CEP85L: variants seen among roughly 807,000 people sequenced by gnomAD.
CEP85L encodes centrosomal protein of 85 kDa-like.
Under a neutral mutation model 100.3 loss-of-function variants are expected in CEP85L, and 60 were observed. The observed-to-expected ratio is 0.60, with a 90% CI of 0.49 to 0.74. The LOEUF (loss-of-function observed/expected upper bound fraction) is 0.74, where lower values mean the gene tolerates loss of function less well. Among genes scored for constraint, CEP85L ranks in the 30% least tolerant of loss-of-function variants. The probability of loss-of-function intolerance (pLI) is 0.00; values close to 1 mark genes in which losing one functional copy is unlikely to be tolerated. For missense variants in CEP85L, 973 were observed against 936.2 expected, an observed-to-expected ratio of 1.04 and a Z score of -0.51; for synonymous variants, 319 against 322.7, an observed-to-expected ratio of 0.99 and a Z score of 0.12.
chr6:118,483,908 TATAAC>T lies in CEP85L; in HGVS notation c.1438-55_1438-51del, dbSNP rs1172578916. The stretch of plus-strand genomic sequence containing the variant: ...TCAGTAGTTTTCAGTCATTAAAAGA[TATAAC>T]AAAACCAACACTTTAATATTAGACA... On this transcript the variant is annotated intron_variant, in intron 6 of 12. Coordinates refer to ENST00000368491, the MANE Select transcript of CEP85L (RefSeq NM_001042475.3). 1.9e-6 allele frequency: 3 copies of T among 1,555,820 alleles called. No individual in the cohort carries two copies. In the African/African-American group the frequency reaches 4.1e-5, roughly 21 times the overall value.
chr6:118,538,002 A>T (rs1446680837), intron 3 of CEP85L: 1 of 729,792 alleles, frequency 1.4e-6, no homozygotes, highest in African/African-American at 1.9e-5. Flanking sequence ...TAATACAAAT[A>T]ACATAAAATT....
chr6:118,481,573 A>G (rs1773786161), intron 8 of CEP85L, among the ~76,000 whole-genome samples: 1 of 152,150 alleles, frequency 6.6e-6, no homozygotes, highest in South Asian at 2.1e-4. Context: ...CTCAGTGGGT[A>G]AATACTTGGC....
Position 118,651,056 on chromosome 6 carries a change from A to G in CEP85L, c.73+141T>C, listed in dbSNP as rs574572705. On this transcript the variant is annotated intron_variant, in intron 1 of 12. Transcript: ENST00000368491. ...GTCAGCCCGGGTGCTGACAGCGGGG[A>G]GGACACTGGGCACGCGGCGGCGTCG... The G allele has an allele frequency of 1.1e-4, 140 of 1,276,564 alleles. 1 individual carries two copies. In the Middle Eastern group the frequency reaches 1.7e-3, roughly 16 times the overall value. The allele number at this position is 1,276,564 out of a possible 1,614,324, so 79.1% of individuals were successfully genotyped here.
chr6:118,551,127 G>A (rs547131025), intron 3 of CEP85L, among the ~76,000 whole-genome samples: 4 of 151,682 alleles, frequency 2.6e-5, no homozygotes, highest in Admixed American at 1.3e-4. Context: ...ATCACATTTC[G>A]ATACTTTATT....
At chr6:118,495,976 C>G (rs1282871180) in intron 5 of CEP85L, among the ~76,000 whole-genome samples, 2 of 152,154 alleles carry the variant, frequency 1.3e-5, no homozygotes, top group Non-Finnish European at 2.9e-5. Context: ...TATTGCCAAC[C>G]AACACCACAG....
intron 3 of CEP85L, among the ~76,000 whole-genome samples, chr6:118,530,538 A>G (rs1777233195): frequency 6.6e-6 from 1 of 152,156 alleles, no homozygotes; most frequent in South Asian, 2.1e-4. Flanking sequence ...GGCAAGAGAG[A>G]GAAATAAAAG....
chr6:118,697,769 A>T (rs1777261756), intron 1 of CEP85L, among the ~76,000 whole-genome samples: 1 of 151,956 alleles, frequency 6.6e-6, no homozygotes, highest in East Asian at 1.9e-4. Context: ...TACTATTTCC[A>T]CTCGAATATG....
chr6:118,465,212 AT>A lies in CEP85L; in HGVS notation c.*192del, dbSNP rs541379004. 1.2e-5 allele frequency: 6 copies of A among 481,130 alleles called. No homozygotes were observed. Among genetic ancestry groups the A allele is most frequent in the South Asian group, 4.3e-5 (1 of 23,376 alleles). The allele number at this position is 481,130 out of a possible 1,614,324, so 29.8% of individuals were successfully genotyped here. A position where few individuals can be genotyped will look rare whatever the true frequency, so the allele number is the denominator to read the frequency against. Reference sequence around the variant, plus strand: ...TATCATATTTTCCAAAGGTAATTTGATTTTTTTTCTTTTTGCCTGATTAGAT... The same window carrying A: ...TATCATATTTTCCAAAGGTAATTTGATTTTTTTCTTTTTGCCTGATTAGAT... On this transcript the variant is annotated 3_prime_UTR_variant, in exon 13 of 13. Transcript: ENST00000368491.
At chr6:118,476,123 G>A (rs1773349403) in intron 10 of CEP85L, among the ~76,000 whole-genome samples, 3 of 151,948 alleles carry the variant, frequency 2.0e-5, no homozygotes, top group African/African-American at 4.8e-5. Flanking sequence ...GTCTTCACTC[G>A]TACAACTCCC....
chr6:118,684,997 A>G (rs894911594), intron 1 of CEP85L, among the ~76,000 whole-genome samples: 10 of 152,260 alleles, frequency 6.6e-5, no homozygotes, highest in South Asian at 4.1e-4. Flanking sequence ...ATTCTCTTAC[A>G]TTTTTATAAC....
chr6:118,594,862 A>G (rs1286114207), intron 2 of CEP85L, among the ~76,000 whole-genome samples: 1 of 147,102 alleles, frequency 6.8e-6, no homozygotes, highest in Non-Finnish European at 1.5e-5. Context: ...TCAAAAAAAA[A>G]AAAACAAACA....
chr6:118,667,075 G>A (rs1052779136), intron 1 of CEP85L, among the ~76,000 whole-genome samples: 3 of 152,194 alleles, frequency 2.0e-5, no homozygotes, highest in Non-Finnish European at 4.4e-5. Context: ...GTCAGGTACT[G>A]TTAGGCACCA....
chr6:118,620,872 AT>A (rs1773393027), intron 2 of CEP85L, among the ~76,000 whole-genome samples: 1 of 152,156 alleles, frequency 6.6e-6, no homozygotes, highest in Non-Finnish European at 1.5e-5. Flanking sequence ...CGTCTTTCTT[AT>A]CATGCCTGAA....
intron 2 of CEP85L, among the ~76,000 whole-genome samples, chr6:118,611,656 T>C (rs547326066): frequency 4.6e-5 from 7 of 152,314 alleles, no homozygotes; most frequent in South Asian, 2.1e-4. Context: ...TGTAAAAGGA[T>C]ATAAAACATA....
chr6:118,539,509 G>A (rs1777786039), intron 3 of CEP85L, among the ~76,000 whole-genome samples: 1 of 152,036 alleles, frequency 6.6e-6, no homozygotes, highest in Non-Finnish European at 1.5e-5. Context: ...ATATGTTAAG[G>A]GACCAAAGCA....
chr6:118,621,650 A>C (rs974467910), intron 2 of CEP85L, among the ~76,000 whole-genome samples: 7 of 152,216 alleles, frequency 4.6e-5, no homozygotes, highest in African/African-American at 1.7e-4. Flanking sequence ...CGAGGGTACA[A>C]GGTATTTAAG....
At chr6:118,682,978 G>A (rs1311154774) in intron 1 of CEP85L, among the ~76,000 whole-genome samples, 1 of 152,190 alleles carries the variant, frequency 6.6e-6, no homozygotes, top group Non-Finnish European at 1.5e-5. Context: ...CCAGAACAAT[G>A]CCAAACCAGG....
intron 1 of CEP85L, among the ~76,000 whole-genome samples, chr6:118,701,457 G>A (rs1777403871): frequency 1.3e-5 from 2 of 152,174 alleles, no homozygotes; most frequent in South Asian, 4.1e-4. Context: ...AAAAGAACAA[G>A]TTCGTGTCCT....
At chr6:118,696,244 G>T (rs1291140578) in intron 1 of CEP85L, among the ~76,000 whole-genome samples, 1 of 151,780 alleles carries the variant, frequency 6.6e-6, no homozygotes, top group East Asian at 1.9e-4. Flanking sequence ...CAGCCTGGGT[G>T]ACAGAGCGAG....
Sources: allele counts gnomAD v4.1 joint callset (sites outside exome capture counted in the v4.1 genomes callset), GRCh38; gene constraint gnomAD v4.1.1; transcripts MANE v1.5; gene names NCBI Gene and HGNC (gene_info 2026-07-23, HGNC 2026-07-21).